Variants in ADGRL4 observed in about 807,000 individuals in gnomAD.
ADGRL4 encodes adhesion G protein-coupled receptor L4.
In ADGRL4, 90 loss-of-function variants were observed where a neutral mutation model predicts 74.8. The observed-to-expected ratio is 1.20, with a 90% CI of 1.02 to 1.43. ADGRL4 has a LOEUF of 1.43. Ranked by LOEUF, ADGRL4 falls within the 40% of genes most tolerant of loss-of-function variation. ADGRL4 has a pLI of 0.00. For synonymous variants in ADGRL4, 311 were observed against 279.2 expected (o/e 1.11, Z -1.14); for missense variants, 881 against 814.3 (o/e 1.08, Z -1.00).
chr1:78,957,083 A>G (rs1039209386), intron 2 of ADGRL4, among the ~76,000 whole-genome samples: 2 of 152,158 alleles, frequency 1.3e-5, no homozygotes, highest in Non-Finnish European at 2.9e-5. Flanking sequence ...TTGGGATGCC[A>G]TGAACCATGC....
At chr1:78,988,250 TG>T (rs1650536557) in intron 2 of ADGRL4, among the ~76,000 whole-genome samples, 1 of 151,698 alleles carries the variant, frequency 6.6e-6, no homozygotes, top group Non-Finnish European at 1.5e-5. Flanking sequence ...AATGACAGTT[TG>T]AAAAAAAATA....
intron 12 of ADGRL4, among the ~76,000 whole-genome samples, chr1:78,914,557 TCATTTGAA>T (rs1436483429): frequency 6.6e-6 from 1 of 151,844 alleles, no homozygotes; most frequent in African/African-American, 2.4e-5. Flanking sequence ...GTTCATCTGA[TCATTTGAA>T]CATTTGAACA....
chr1:78,971,524 G>T (rs933122984), intron 2 of ADGRL4, among the ~76,000 whole-genome samples: 1 of 152,018 alleles, frequency 6.6e-6, no homozygotes, highest in Non-Finnish European at 1.5e-5. Flanking sequence ...GGATTCAATC[G>T]GCAAGGCAGG....
At chr1:78,962,325 C>T (rs79556415) in intron 2 of ADGRL4, among the ~76,000 whole-genome samples, 2,277 of 152,266 alleles carry the variant, frequency 0.015, 56 homozygotes, top group African/African-American at 0.052. Context: ...TTTTCCTCCA[C>T]ATATGATTTC....
intron 12 of ADGRL4, among the ~76,000 whole-genome samples, chr1:78,895,764 G>A (rs1648384993): frequency 6.6e-6 from 1 of 151,978 alleles, no homozygotes; most frequent in Non-Finnish European, 1.5e-5. Flanking sequence ...GGAGGACAGG[G>A]ACAATTATCA....
intron 1 of ADGRL4, among the ~76,000 whole-genome samples, chr1:79,006,207 G>C (rs535195080): frequency 1.3e-5 from 2 of 152,118 alleles, no homozygotes; most frequent in Non-Finnish European, 2.9e-5. Flanking sequence ...AAATAACTAT[G>C]TATACTGACT....
chr1:78,915,648 G>A (rs1021788395), intron 12 of ADGRL4, among the ~76,000 whole-genome samples: 2 of 151,818 alleles, frequency 1.3e-5, no homozygotes, highest in Non-Finnish European at 2.9e-5. Flanking sequence ...CTCTTTAATT[G>A]TATGACCCAT....
Position 78,937,242 on chromosome 1 carries a change from C to T in ADGRL4, c.760+565G>A, listed in dbSNP as rs544377579. On this transcript the variant is annotated intron_variant, in intron 6 of 14. Transcript: ENST00000370742. ...AGTGGATGGCTTGAGGCCAGGGGTTCGAGACCAGCCTGGCCAACATGGTGA... is the reference window on the plus strand; with the variant it reads ...AGTGGATGGCTTGAGGCCAGGGGTTTGAGACCAGCCTGGCCAACATGGTGA... 5.0e-4 allele frequency among the ~76,000 whole-genome samples: 76 copies of T among 152,206 alleles called. 1 individual carries two copies. The highest frequency in any genetic ancestry group is 1.7e-3 in the African/African-American group (72 of 41,534).
At chr1:79,001,289 C>A (rs1252188597) in intron 2 of ADGRL4, among the ~76,000 whole-genome samples, 2 of 150,970 alleles carry the variant, frequency 1.3e-5, no homozygotes, top group African/African-American at 4.9e-5. Context: ...CCGGGTACTA[C>A]TCAACTCAAT....
intron 2 of ADGRL4, among the ~76,000 whole-genome samples, chr1:78,949,604 T>C (rs2100698187): frequency 6.6e-6 from 1 of 152,250 alleles, no homozygotes; most frequent in African/African-American, 2.4e-5. Context: ...ATTATTTAAA[T>C]TGCCTTAAAC....
chr1:78,920,031 A>G, intron 10 of ADGRL4, 152 bp downstream of exon 10: 1 of 597,738 alleles, frequency 1.7e-6, no homozygotes. Context: ...CTGTGTTAGC[A>G]TTATCAAACT....
rs1036304449 is a variant in ADGRL4 at position 79,004,361 on chromosome 1, T to C, written c.172+709A>G. ...AAAATGAATTTAAAAAGATTGAGTG[T>C]GTTGGGGGAGTGGAAGATTGGGGTA... On this transcript the variant is annotated intron_variant, in intron 2 of 14. Coordinates refer to ENST00000370742, the MANE Select transcript of ADGRL4 (RefSeq NM_022159.4). 3.3e-5 allele frequency among the ~76,000 whole-genome samples: 5 copies of C among 151,992 alleles called. No homozygotes were observed. The East Asian group carries it at 9.6e-4, about 29-fold the overall frequency.
At chr1:78,919,646 TGCATACTTAACCCCATCTTAAC>T (rs1648954639) in intron 10 of ADGRL4, among the ~76,000 whole-genome samples, 1 of 151,900 alleles carries the variant, frequency 6.6e-6, no homozygotes, top group Non-Finnish European at 1.5e-5. Context: ...ATAAATCTAT[TGCATACTTAACCCCATCTTAAC>T]ACCTGCTTCT....
Position 78,987,591 on chromosome 1 carries a change from G to A in ADGRL4, c.172+17479C>T, listed in dbSNP as rs932297450. Among the ~76,000 whole-genome samples, 7 of 151,836 alleles carry A rather than the reference G, an allele frequency of 4.6e-5. No homozygotes were observed. The South Asian group carries it at 8.3e-4, about 18-fold the overall frequency. On this transcript the variant is annotated intron_variant, in intron 2 of 14. Transcript: ENST00000370742. The stretch of plus-strand genomic sequence containing the variant: ...CAATGTCTAGTCAGTGCTGATAAGG[G>A]ATACCATGATGGTTATCTAGCTGGT...
intron 2 of ADGRL4, among the ~76,000 whole-genome samples, chr1:78,949,530 C>T (rs953792792): frequency 6.6e-6 from 1 of 152,106 alleles, no homozygotes; most frequent in Non-Finnish European, 1.5e-5. Context: ...AGTAACCTCC[C>T]TCTTCCCTCA....
At chr1:78,954,391 C>G (rs1570251797) in intron 2 of ADGRL4, among the ~76,000 whole-genome samples, 1 of 151,772 alleles carries the variant, frequency 6.6e-6, no homozygotes, top group Non-Finnish European at 1.5e-5. Flanking sequence ...ATAAAGTAAG[C>G]CTTCAAAATC....
chr1:78,937,948 A>C lies in ADGRL4; in HGVS notation c.619T>G (p.Phe207Val). The change falls in exon 6 of 15, where the codon TTT becomes GTT. Residue 207 changes from phenylalanine to valine, a missense_variant. Coordinates refer to ENST00000370742, the MANE Select transcript of ADGRL4 (RefSeq NM_022159.4). The stretch of plus-strand genomic sequence containing the variant: ...ACAGATAACTTGTCCCAAACTACAA[A>C]TGTATCCCTTTGAACAAAATTATTC... ...TVNNFVQRDT[F>V]VVWDKLSVNH... 6.2e-7 allele frequency: 1 copy of C among 1,612,846 alleles called. No homozygotes were observed. Among genetic ancestry groups the C allele is most frequent in the Non-Finnish European group, 8.5e-7 (1 of 1,179,670 alleles).
intron 2 of ADGRL4, among the ~76,000 whole-genome samples, chr1:78,953,988 A>C (rs917665071): frequency 1.3e-5 from 2 of 152,128 alleles, no homozygotes; most frequent in Non-Finnish European, 2.9e-5. Flanking sequence ...TCTCTACTGA[A>C]AATACAAAAT....
chr1:78,945,177 A>AATATATATAT (rs36107474), intron 3 of ADGRL4, among the ~76,000 whole-genome samples: 11 of 127,928 alleles, frequency 8.6e-5, no homozygotes, highest in African/African-American at 2.6e-4. Flanking sequence ...AAAAAAAAAA[A>AATATATATAT]ATATATATAT....
Sources: gnomAD v4.1 joint callset for allele counts (sites outside exome capture counted in the v4.1 genomes callset) on GRCh38, gnomAD v4.1.1 for gene constraint, MANE v1.5 for transcripts, NCBI Gene and HGNC (gene_info 2026-07-23, HGNC 2026-07-21) for gene names.